The following IYD variants were observed in gnomAD, a reference collection of about 807,000 sequenced individuals.
The protein encoded by IYD is iodotyrosine deiodinase 1.
In IYD, 25 loss-of-function variants were observed where a neutral mutation model predicts 28.4. The observed-to-expected ratio is 0.88, with a 90% CI of 0.64 to 1.23. IYD has a LOEUF of 1.23. IYD is among the 50% of genes most tolerant of loss of function. The pLI is 0.00. For synonymous variants in IYD, 140 were observed against 130.8 expected (o/e 1.07, Z -0.48); for missense variants, 352 against 357.9 (o/e 0.98, Z 0.13).
intron 4 of IYD, chr6:150,395,255 A>G (rs1321843252): frequency 6.2e-6 from 4 of 649,746 alleles, no homozygotes; most frequent in Non-Finnish European, 1.0e-5. Context: ...AAATGTAGAA[A>G]ACAAGATTAT....
At chr6:150,392,215 C>A in intron 2 of IYD, 130 bp from the exon 3 acceptor site, 1 of 1,475,814 alleles carries the variant, frequency 6.8e-7, no homozygotes, top group Non-Finnish European at 9.2e-7. Context: ...AAAAAATCTG[C>A]AAAATTTTGT....
chr6:150,388,990 C>A (rs569299591), intron 1 of IYD, among the ~76,000 whole-genome samples: 1 of 152,276 alleles, frequency 6.6e-6, no homozygotes, highest in East Asian at 1.9e-4. Flanking sequence ...GCGTAAGCCA[C>A]CACGCCCGGA....
chr6:150,389,910 T>A (rs1191523127), intron 2 of IYD, among the ~76,000 whole-genome samples: 1 of 152,218 alleles, frequency 6.6e-6, no homozygotes, highest in Non-Finnish European at 1.5e-5. Context: ...CACACTCGCA[T>A]ACTCACAGTT....
In IYD at chr6:150,369,150, C is replaced by T. The variant is rs1350468583; in HGVS notation, c.119C>T (p.Ala40Val). 1 of 1,613,938 alleles carries T rather than the reference C, an allele frequency of 6.2e-7. No individual in the cohort carries two copies. Among genetic ancestry groups the T allele is most frequent in the Admixed American group, 1.7e-5 (1 of 60,008 alleles). The change falls in exon 1 of 5, where the codon GCT (alanine) becomes GTT (valine). Residue 40 changes from alanine to valine, a missense_variant. Transcript: ENST00000344419. ...KKGEPRTRAE[A>V]RPWVDEDLKD... Reference sequence around the variant, plus strand: ...GGGGAGCCTAGAACCAGGGCCGAAGCTCGCCCCTGGGTGGATGAAGACTTA... The same window carrying T: ...GGGGAGCCTAGAACCAGGGCCGAAGTTCGCCCCTGGGTGGATGAAGACTTA...
At chr6:150,375,165 T>C (rs653588) in intron 1 of IYD, among the ~76,000 whole-genome samples, 108,618 of 152,036 alleles carry the variant, frequency 0.71, 40,100 homozygotes, top group Middle Eastern at 0.83. Flanking sequence ...CACTGAGACA[T>C]CAGGTTGCAA....
At chr6:150,395,425 C>T (rs1415239506) in intron 4 of IYD, 5 of 1,537,060 alleles carry the variant, frequency 3.3e-6, no homozygotes, top group South Asian at 1.2e-5. Context: ...AAGGAGCTGG[C>T]ATTGATTTCC....
chr6:150,389,963 A>G (rs1232584959), intron 2 of IYD, among the ~76,000 whole-genome samples: 1 of 152,184 alleles, frequency 6.6e-6, no homozygotes, highest in African/African-American at 2.4e-5. Flanking sequence ...ATTACACACC[A>G]TGATGCTGTA....
Position 150,389,488 on chromosome 6 carries a change from C to T in IYD, c.315C>T (p.Phe105=), listed in dbSNP as rs371979980. 1.9e-6 allele frequency: 3 copies of T among 1,613,234 alleles called. No homozygotes were observed. The highest frequency in any genetic ancestry group is 2.5e-6 in the Non-Finnish European group (3 of 1,179,230). The change falls in exon 2 of 5, where the codon TTC becomes TTT. Residue 105 remains phenylalanine, a synonymous_variant. Coordinates refer to ENST00000344419, the MANE Select transcript of IYD (RefSeq NM_203395.3). ...ELLNKRRSVR[F]ISNEQVPMEV... is the part of the protein sequence containing the mutation. ...TCAATAAGAGACGGTCAGTCAGGTT[C>T]ATAAGTAATGAGCAAGTCCCAATGG...
rs1460449790 is a variant in IYD, at chr6:150,404,987, G to A, written c.*6750G>A. On this transcript the variant is annotated 3_prime_UTR_variant, in exon 5 of 5. Transcript: ENST00000344419. Reference sequence around the variant, plus strand: ...CTTCACCAATCACAACAAGCACAGTGCTTGGAACATAATAGGTGCTCAATA... The same window carrying A: ...CTTCACCAATCACAACAAGCACAGTACTTGGAACATAATAGGTGCTCAATA... The A allele has an allele frequency of 2.0e-5, 3 of 152,180 alleles. No homozygotes were observed. Among genetic ancestry groups the A allele is most frequent in the African/African-American group, 7.2e-5 (3 of 41,444 alleles). The allele number at this position is 152,180 out of a possible 1,614,324, so 9.4% of individuals were successfully genotyped here.
intron 4 of IYD, 99 bp downstream of exon 4, chr6:150,394,354 T>C (rs937064463): frequency 7.6e-7 from 1 of 1,307,250 alleles, no homozygotes; most frequent in Non-Finnish European, 1.1e-6. Flanking sequence ...TAATCTAAAG[T>C]AGAATTCCTA....
At chr6:150,389,234 T>C (rs556323672) in intron 1 of IYD, 118 bp from the exon 2 acceptor site, 1 of 714,256 alleles carries the variant, frequency 1.4e-6, no homozygotes, top group South Asian at 1.6e-5. Context: ...TTTCATTTTA[T>C]AGTATTTTTT....
intron 3 of IYD, 27 bp from the exon 4 acceptor site, chr6:150,394,072 T>C (rs578035150): frequency 6.2e-7 from 1 of 1,611,980 alleles, no homozygotes; most frequent in African/African-American, 1.3e-5. Flanking sequence ...GGGCAAATAT[T>C]ATCCTGAATC....
At position 150,405,597 on chromosome 6, in the gene IYD, CAGA is replaced by C. The variant is rs1010834326; in HGVS notation, c.*7365_*7367del. 1 of 152,100 alleles carries C rather than the reference CAGA, an allele frequency of 6.6e-6. No individual in the cohort carries two copies. The highest frequency in any genetic ancestry group is 2.4e-5 in the African/African-American group (1 of 41,380). The allele number at this position is 152,100 out of a possible 1,614,324, so 9.4% of individuals were successfully genotyped here. On this transcript the variant is annotated 3_prime_UTR_variant, in exon 5 of 5. Transcript: ENST00000344419. The stretch of plus-strand genomic sequence containing the variant: ...CCCTTCTTCACATGGTGACAGGAAG[CAGA>C]AGAATGACAACTGAGTGAATGGGGA...
At position 150,389,391 on chromosome 6, in the gene IYD, A is replaced by T; in HGVS notation, c.218A>T (p.His73Leu). ...CAAGAATCAGAAGAAAATGTTGAAC[A>T]CATCCCCTTCTCTCATAACCACTAT... Reference protein sequence around the residue: ...EWQESEENVEHIPFSHNHYPE... With the variant: ...EWQESEENVELIPFSHNHYPE... Residue 73 changes from histidine to leucine, a missense_variant, in exon 2 of 5, where the codon CAC (histidine) becomes CTC (leucine). His to Leu is a moderately conservative substitution (Grantham distance 99). Coordinates refer to ENST00000344419, the MANE Select transcript of IYD (RefSeq NM_203395.3). 6.2e-7 allele frequency: 1 copy of T among 1,614,036 alleles called. No individual in the cohort carries two copies. Among genetic ancestry groups the T allele is most frequent in the Non-Finnish European group, 8.5e-7 (1 of 1,179,902 alleles).
In IYD at chr6:150,389,299, C is replaced by T. The variant is rs927202799; in HGVS notation, c.179-53C>T. 2.8e-6 allele frequency: 4 copies of T among 1,410,818 alleles called. No homozygotes were observed. The African/African-American group carries it at 4.2e-5, about 15-fold the overall frequency. 87.4% of individuals were successfully genotyped at this position (1,410,818 alleles called of 1,614,324 possible). ...TTTATCTTCTTCTCCCCAGCGGTCACCTTATGACCAAGGGATCATTTAGTT... is the reference window on the plus strand; with the variant it reads ...TTTATCTTCTTCTCCCCAGCGGTCATCTTATGACCAAGGGATCATTTAGTT... On this transcript the variant is annotated intron_variant, in intron 1 of 4. Coordinates refer to ENST00000344419, the MANE Select transcript of IYD (RefSeq NM_203395.3).
rs1031895835 is a variant in IYD at position 150,403,294 on chromosome 6, A to G, written c.*5057A>G. 2.6e-5 allele frequency: 4 copies of G among 152,238 alleles called. No homozygotes were observed. The highest frequency in any genetic ancestry group is 9.6e-5 in the African/African-American group (4 of 41,464). The allele number at this position is 152,238 out of a possible 1,614,324, so 9.4% of individuals were successfully genotyped here. Reference sequence around the variant, plus strand: ...GAGTGCCCTCTTATAATTTGTGTGAAATGGAAACAAAGGTAACATCGTGTT... The same window carrying G: ...GAGTGCCCTCTTATAATTTGTGTGAGATGGAAACAAAGGTAACATCGTGTT... On this transcript the variant is annotated 3_prime_UTR_variant, in exon 5 of 5. Coordinates refer to ENST00000344419, the MANE Select transcript of IYD (RefSeq NM_203395.3).
At position 150,398,180 on chromosome 6, in the gene IYD, G is replaced by T; in HGVS notation, c.813G>T (p.Glu271Asp). The change falls in exon 5 of 5, where the codon GAG (glutamate) becomes GAT (aspartate). Residue 271 changes from glutamate (E) to aspartate (D), a missense_variant. Transcript: ENST00000344419. ...TCCCCGTGGGGTACCCCAGCAAGGA[G>T]GCCACGGTGCCTGACCTCAAGCGCA... ...MLLPVGYPSKEATVPDLKRKP... is the reference protein window; with the variant it reads ...MLLPVGYPSKDATVPDLKRKP... The T allele has an allele frequency of 1.9e-6, 3 of 1,614,186 alleles. No homozygotes were observed. Among genetic ancestry groups the T allele is most frequent in the Non-Finnish European group, 2.5e-6 (3 of 1,180,044 alleles).
intron 1 of IYD, among the ~76,000 whole-genome samples, chr6:150,369,602 C>A (rs1377889191): frequency 6.6e-6 from 1 of 152,192 alleles, no homozygotes; most frequent in Non-Finnish European, 1.5e-5. Flanking sequence ...GAGGCTGCTA[C>A]CTTTCCCTGT....
In IYD at chr6:150,392,182, G is replaced by GCACACACCAA. The variant is rs200632299; in HGVS notation, c.371-158_371-157insACCAACACAC. The GCACACACCAA allele has an allele frequency of 7.2e-3, 3,050 of 426,462 alleles. 104 individuals are homozygous for GCACACACCAA. Among genetic ancestry groups the GCACACACCAA allele is most frequent in the African/African-American group, 0.062 (2,859 of 45,804 alleles). 26.4% of individuals were successfully genotyped at this position (426,462 alleles called of 1,614,324 possible). On this transcript the variant is annotated intron_variant, in intron 2 of 4. Transcript: ENST00000344419. ...CAGCTGGGACTATAGGCACACACCAGCACACCCTGCTAGTTAAAAAAAAAA... is the reference window on the plus strand; with the variant it reads ...CAGCTGGGACTATAGGCACACACCAGCACACACCAACACACCCTGCTAGTTAAAAAAAAAA...
Sources: allele counts gnomAD v4.1 joint callset (sites outside exome capture counted in the v4.1 genomes callset), GRCh38; gene constraint gnomAD v4.1.1; transcripts MANE v1.5; gene names NCBI Gene and HGNC (gene_info 2026-07-23, HGNC 2026-07-21).